NXPE2: variants seen among roughly 807,000 people sequenced by gnomAD.
NXPE2 encodes the protein neurexophilin and PC-esterase domain family member 2.
Under a neutral mutation model 34.4 loss-of-function variants are expected in NXPE2, and 34 were observed. That is an observed-to-expected ratio of 0.99 (90% CI 0.75 to 1.31). NXPE2 has a LOEUF of 1.31. NXPE2 is among the 40% of genes most tolerant of loss of function. NXPE2 has a pLI of 0.00. For missense variants in NXPE2, 649 were observed against 672.5 expected, an observed-to-expected ratio of 0.97 and a Z score of 0.39; for synonymous variants, 235 against 231.3, an observed-to-expected ratio of 1.02 and a Z score of -0.15.
At chr11:114,556,013 G>A in the NXPE2 span, among the ~76,000 whole-genome samples, 1 of 152,066 alleles carries the variant, frequency 6.6e-6, no homozygotes, top group African/African-American at 2.4e-5. Context: ...TTTCTTTTTG[G>A]TAAGTACCTA....
the NXPE2 span, among the ~76,000 whole-genome samples, chr11:114,623,366 C>T: frequency 6.6e-6 from 1 of 151,960 alleles, no homozygotes; most frequent in Non-Finnish European, 1.5e-5. Flanking sequence ...AGGGTAACCA[C>T]TTTTAAACGT....
chr11:114,625,586 C>T, the NXPE2 span, among the ~76,000 whole-genome samples: 1 of 152,138 alleles, frequency 6.6e-6, no homozygotes, highest in African/African-American at 2.4e-5. Context: ...CGTGGGTAAC[C>T]ACTGTTATCT....
chr11:114,678,816 G>A (rs1308737944), intron 1 of NXPE2, among the ~76,000 whole-genome samples: 1 of 151,876 alleles, frequency 6.6e-6, no homozygotes, highest in Admixed American at 6.6e-5. Context: ...GTGCAGTGTA[G>A]ATAGTATTGT....
chr11:114,607,106 C>G, the NXPE2 span, among the ~76,000 whole-genome samples: 1 of 151,822 alleles, frequency 6.6e-6, no homozygotes, highest in Admixed American at 6.6e-5. Context: ...CGTGAGTAAC[C>G]ACTGTTACCC....
At chr11:114,511,789 G>A in the NXPE2 span, among the ~76,000 whole-genome samples, 1 of 152,150 alleles carries the variant, frequency 6.6e-6, no homozygotes, top group Admixed American at 6.5e-5. Context: ...GTGAGAGCAG[G>A]TTGTTTAAGG....
In NXPE2 at chr11:114,706,027, A is replaced by G. The variant is rs868377282; in HGVS notation, c.1144+31A>G. Reference sequence around the variant, plus strand: ...TATTTAATTTATATTTTGAAATTCTATTTGACTTTTGAGGGTTTTGAAATA... The same window carrying G: ...TATTTAATTTATATTTTGAAATTCTGTTTGACTTTTGAGGGTTTTGAAATA... On this transcript the variant is annotated intron_variant, in intron 5 of 5. Transcript: ENST00000389586. 8.5e-6 allele frequency: 9 copies of G among 1,060,868 alleles called. No homozygotes were observed. In the African/African-American group the frequency reaches 9.9e-5, roughly 12 times the overall value. The allele number at this position is 1,060,868 out of a possible 1,614,324, so 65.7% of individuals were successfully genotyped here. A position where few individuals can be genotyped will look rare whatever the true frequency, so the allele number is the denominator to read the frequency against.
the NXPE2 span, among the ~76,000 whole-genome samples, chr11:114,632,668 A>T: frequency 4.1e-4 from 24 of 59,218 alleles, no homozygotes; most frequent in South Asian, 5.1e-4. Context: ...AATATATAGT[A>T]TATATATTTA....
chr11:114,749,032 T>C, the NXPE2 span, among the ~76,000 whole-genome samples: 2,778 of 152,300 alleles, frequency 0.018, 91 homozygotes, highest in African/African-American at 0.063. Flanking sequence ...AGCTATTCCT[T>C]GTTTTCTAGG....
chr11:114,571,741 A>G, the NXPE2 span, among the ~76,000 whole-genome samples: 6 of 152,198 alleles, frequency 3.9e-5, no homozygotes, highest in African/African-American at 1.4e-4. Flanking sequence ...GACTCACATC[A>G]TGAACTTCTG....
At chr11:114,810,343 G>C in the NXPE2 span, among the ~76,000 whole-genome samples, 1 of 144,984 alleles carries the variant, frequency 6.9e-6, no homozygotes, top group Non-Finnish European at 1.5e-5. Context: ...TGACAAATGA[G>C]ATCTAATTAA....
At chr11:114,698,836 CTAG>C (rs1951313531) in intron 3 of NXPE2, 58 bp downstream of exon 3, 1 of 1,427,090 alleles carries the variant, frequency 7.0e-7, no homozygotes, top group Non-Finnish European at 9.2e-7. Flanking sequence ...CAAACTCTGC[CTAG>C]TAGTTTTGCC....
the NXPE2 span, among the ~76,000 whole-genome samples, chr11:114,569,193 G>T: frequency 6.6e-6 from 1 of 152,144 alleles, no homozygotes; most frequent in Non-Finnish European, 1.5e-5. Flanking sequence ...GGGGCATGAT[G>T]AAGGGTACAA....
chr11:114,767,585 T>C, the NXPE2 span, among the ~76,000 whole-genome samples: 2 of 152,166 alleles, frequency 1.3e-5, no homozygotes, highest in East Asian at 1.9e-4. Context: ...GACCAGATTT[T>C]ATTTTTTATT....
At chr11:114,626,374 C>T in the NXPE2 span, among the ~76,000 whole-genome samples, 1 of 152,182 alleles carries the variant, frequency 6.6e-6, no homozygotes, top group African/African-American at 2.4e-5. Flanking sequence ...GACCCCTGAC[C>T]CCCGAGCAGC....
the NXPE2 span, among the ~76,000 whole-genome samples, chr11:114,634,529 G>T: frequency 6.6e-6 from 1 of 151,994 alleles, no homozygotes; most frequent in Non-Finnish European, 1.5e-5. Context: ...TAGACATGAA[G>T]TCCTTGCCCA....
chr11:114,483,725 A>G, the NXPE2 span, among the ~76,000 whole-genome samples: 4 of 152,204 alleles, frequency 2.6e-5, no homozygotes, highest in East Asian at 5.8e-4. Flanking sequence ...GATGACTCCC[A>G]CATTTCTTTT....
At chr11:114,809,638 A>G in the NXPE2 span, among the ~76,000 whole-genome samples, 3 of 12,272 alleles carry the variant, frequency 2.4e-4, no homozygotes, top group South Asian at 0.036. Flanking sequence ...TACAAGGGAC[A>G]TGAAGGACCT....
At chr11:114,481,214 C>A in the NXPE2 span, among the ~76,000 whole-genome samples, 1 of 152,152 alleles carries the variant, frequency 6.6e-6, no homozygotes. Flanking sequence ...TTGAATAATA[C>A]TTAGTGTTGC....
the NXPE2 span, among the ~76,000 whole-genome samples, chr11:114,633,800 T>A: frequency 6.6e-6 from 1 of 151,980 alleles, no homozygotes; most frequent in Non-Finnish European, 1.5e-5. Flanking sequence ...GAACTCACCA[T>A]TTTTTATGGC....
Sources: gnomAD v4.1 joint callset for allele counts (sites outside exome capture counted in the v4.1 genomes callset) on GRCh38, gnomAD v4.1.1 for gene constraint, MANE v1.5 for transcripts, NCBI Gene and HGNC (gene_info 2026-07-23, HGNC 2026-07-21) for gene names.